Variants in SPMAP2L observed in about 807,000 individuals in gnomAD.
SPMAP2L encodes sperm microtubule associated protein 2 like, also known as sperm microtubule associated protein 2-like.
the SPMAP2L span, among the ~76,000 whole-genome samples, chr4:56,576,834 G>A: frequency 6.6e-6 from 1 of 152,122 alleles, no homozygotes; most frequent in African/African-American, 2.4e-5. Context: ...CACTTCTTGA[G>A]ACCTCAGTTT....
At chr4:56,595,501 C>T in the SPMAP2L span, 1 of 1,552,912 alleles carries the variant, frequency 6.4e-7, no homozygotes, top group East Asian at 2.2e-5. Context: ...GAAGATGTCT[C>T]CACACTCCCT....
At chr4:56,594,260 G>T in the SPMAP2L span, 1 of 1,581,246 alleles carries the variant, frequency 6.3e-7, no homozygotes, top group Non-Finnish European at 8.7e-7. Context: ...AACAAATATT[G>T]TCCGGTATAT....
the SPMAP2L span, among the ~76,000 whole-genome samples, chr4:56,625,207 T>C: frequency 1.3e-5 from 2 of 152,176 alleles, no homozygotes; most frequent in Admixed American, 1.3e-4. Context: ...GTTTGGCCAA[T>C]TTCTCCCATT....
chr4:56,582,384 G>A, the SPMAP2L span, among the ~76,000 whole-genome samples: 11 of 151,800 alleles, frequency 7.2e-5, no homozygotes, highest in Middle Eastern at 3.4e-3. Context: ...TTTTTAAATC[G>A]GCAAAGGATT....
At chr4:56,601,247 C>A in the SPMAP2L span, 2 of 904,782 alleles carry the variant, frequency 2.2e-6, no homozygotes, top group Non-Finnish European at 3.2e-6. Context: ...TAACGAATTA[C>A]ATTTATTGTG....
At chr4:56,625,171 C>T in the SPMAP2L span, among the ~76,000 whole-genome samples, 2 of 152,142 alleles carry the variant, frequency 1.3e-5, no homozygotes, top group African/African-American at 4.8e-5. Flanking sequence ...GGGTTTCAGA[C>T]TTATATGGGG....
the SPMAP2L span, chr4:56,548,844 T>G: frequency 1.4e-6 from 2 of 1,453,584 alleles, no homozygotes; most frequent in Non-Finnish European, 1.8e-6. Context: ...GTTATAGTAC[T>G]ATTTTCACAG....
the SPMAP2L span, chr4:56,559,538 A>G: frequency 4.7e-6 from 7 of 1,475,474 alleles, no homozygotes; most frequent in Non-Finnish European, 5.3e-6. Flanking sequence ...TCTGTGTGTT[A>G]TCATGTTACT....
At chr4:56,542,246 C>T in the SPMAP2L span, among the ~76,000 whole-genome samples, 21 of 152,174 alleles carry the variant, frequency 1.4e-4, no homozygotes, top group Non-Finnish European at 2.6e-4. Context: ...TATCTTCCCA[C>T]ATTTTCCTGA....
chr4:56,550,696 T>G, the SPMAP2L span, among the ~76,000 whole-genome samples: 1 of 152,204 alleles, frequency 6.6e-6, no homozygotes, highest in African/African-American at 2.4e-5. Flanking sequence ...TTATTGTTAT[T>G]TCTTACTGCT....
chr4:56,590,065 G>A, the SPMAP2L span, among the ~76,000 whole-genome samples: 1 of 152,112 alleles, frequency 6.6e-6, no homozygotes, highest in Non-Finnish European at 1.5e-5. Context: ...GAAGAGGAGT[G>A]GTGAGAGTGG....
the SPMAP2L span, among the ~76,000 whole-genome samples, chr4:56,579,665 A>C: frequency 6.6e-6 from 1 of 152,160 alleles, no homozygotes; most frequent in East Asian, 1.9e-4. Context: ...AGATACTCAG[A>C]GGCTGAGGTG....
the SPMAP2L span, among the ~76,000 whole-genome samples, chr4:56,605,841 G>A: frequency 5.9e-5 from 9 of 152,076 alleles, no homozygotes; most frequent in East Asian, 1.9e-4. Context: ...GTTCGTGTCC[G>A]GCATAAACCC....
chr4:56,589,343 G>A, the SPMAP2L span, among the ~76,000 whole-genome samples: 1 of 152,148 alleles, frequency 6.6e-6, no homozygotes. Flanking sequence ...CGGCCTTATA[G>A]TATAGTTTGA....
the SPMAP2L span, among the ~76,000 whole-genome samples, chr4:56,537,895 A>G: frequency 0.037 from 5,680 of 152,022 alleles, 138 homozygotes; most frequent in Middle Eastern, 0.058. Context: ...GGGTTTCACC[A>G]TGTTAGCCAG....
At chr4:56,597,491 G>A in the SPMAP2L span, among the ~76,000 whole-genome samples, 5 of 152,108 alleles carry the variant, frequency 3.3e-5, no homozygotes, top group East Asian at 9.6e-4. Flanking sequence ...GGTGGGGCCA[G>A]TTTCACCCTG....
At chr4:56,583,196 C>T in the SPMAP2L span, among the ~76,000 whole-genome samples, 1 of 151,990 alleles carries the variant, frequency 6.6e-6, no homozygotes, top group Non-Finnish European at 1.5e-5. Flanking sequence ...ATCGCTTGAA[C>T]CCAGGAGGCG....
At chr4:56,618,240 A>G in the SPMAP2L span, among the ~76,000 whole-genome samples, 1 of 152,188 alleles carries the variant, frequency 6.6e-6, no homozygotes, top group Admixed American at 6.5e-5. Flanking sequence ...CTCCCATATC[A>G]GTAGGGGATA....
the SPMAP2L span, among the ~76,000 whole-genome samples, chr4:56,562,559 C>A: frequency 6.6e-6 from 1 of 152,144 alleles, no homozygotes; most frequent in African/African-American, 2.4e-5. Flanking sequence ...TAATAAAACT[C>A]AATACCACTC....
Sources: gnomAD v4.1 joint callset for allele counts (sites outside exome capture counted in the v4.1 genomes callset) on GRCh38, gnomAD v4.1.1 for gene constraint, MANE v1.5 for transcripts, NCBI Gene and HGNC (gene_info 2026-07-23, HGNC 2026-07-21) for gene names.